Variants in JAZF1 observed in about 807,000 individuals in gnomAD.
The protein encoded by JAZF1 is JAZF zinc finger 1.
In JAZF1, 8 loss-of-function variants were observed where a neutral mutation model predicts 26.4. The observed-to-expected ratio is 0.30, with a 90% CI of 0.18 to 0.55. The LOEUF is 0.55. Among genes scored for constraint, JAZF1 ranks in the 20% least tolerant of loss-of-function variants. The pLI is 0.94. For missense variants in JAZF1, 199 were observed against 322.0 expected (o/e 0.62, Z 2.92); for synonymous variants, 126 against 122.3 (o/e 1.03, Z -0.20).
chr7:27,852,549 C>T (rs1412096955), intron 3 of JAZF1, among the ~76,000 whole-genome samples: 1 of 152,146 alleles, frequency 6.6e-6, no homozygotes, highest in Admixed American at 6.5e-5. Flanking sequence ...TCTTGCAACC[C>T]TCTCTCAGGT....
chr7:28,050,354 C>T (rs942425415), intron 1 of JAZF1, among the ~76,000 whole-genome samples: 1 of 152,146 alleles, frequency 6.6e-6, no homozygotes, highest in Non-Finnish European at 1.5e-5. Context: ...TGGGAAGCGA[C>T]TGCTGATGGG....
At chr7:27,961,563 TA>T (rs1347252869) in intron 2 of JAZF1, among the ~76,000 whole-genome samples, 1 of 152,182 alleles carries the variant, frequency 6.6e-6, no homozygotes, top group Non-Finnish European at 1.5e-5. Flanking sequence ...TTAAAGAGTT[TA>T]TTTTTCAGGA....
At chr7:27,912,365 C>G (rs529946863) in intron 2 of JAZF1, among the ~76,000 whole-genome samples, 3 of 152,326 alleles carry the variant, frequency 2.0e-5, no homozygotes, top group African/African-American at 7.2e-5. Context: ...AGTGAAAAGT[C>G]TGCTCACAAT....
intron 1 of JAZF1, among the ~76,000 whole-genome samples, chr7:28,093,251 G>A (rs1030576916): frequency 5.3e-5 from 8 of 152,134 alleles, no homozygotes; most frequent in Non-Finnish European, 8.8e-5. Context: ...AATCCTGGGG[G>A]CGGTTTCCCC....
chr7:28,011,374 A>C (rs1005607104), intron 1 of JAZF1, among the ~76,000 whole-genome samples: 2 of 151,876 alleles, frequency 1.3e-5, no homozygotes, highest in African/African-American at 4.8e-5. Context: ...ACTGTTATTT[A>C]ATCATTATAC....
At position 28,132,212 on chromosome 7, in the gene JAZF1, C is replaced by T. The variant is rs17156452; in HGVS notation, c.115+48251G>A. ...ACTAATTAGGGTAAGCAGTACATGG[C>T]GGTCTTGGCCCAAAAGACAGTTAGC... On this transcript the variant is annotated intron_variant, in intron 1 of 4. Transcript: ENST00000283928. 0.013 allele frequency among the ~76,000 whole-genome samples: 1,974 copies of T among 152,250 alleles called. 135 individuals carry two copies. In the East Asian group the frequency reaches 0.22, roughly 17 times the overall value.
chr7:27,891,795 T>C (rs575201529), intron 3 of JAZF1, among the ~76,000 whole-genome samples: 1 of 152,280 alleles, frequency 6.6e-6, no homozygotes, highest in South Asian at 2.1e-4. Flanking sequence ...ATAGCATCAC[T>C]GCACTCCAGC....
At chr7:27,875,103 A>G (rs73299410) in intron 3 of JAZF1, among the ~76,000 whole-genome samples, 2,429 of 152,262 alleles carry the variant, frequency 0.016, 52 homozygotes, top group African/African-American at 0.056. Flanking sequence ...TGATTCTAAA[A>G]GATAGTCCTT....
At chr7:27,987,628 C>A (rs1785758539) in intron 2 of JAZF1, among the ~76,000 whole-genome samples, 1 of 151,714 alleles carries the variant, frequency 6.6e-6, no homozygotes, top group South Asian at 2.1e-4. Context: ...GGTGCCTCTG[C>A]CCGGCTGCCC....
chr7:27,887,241 T>C (rs184217139), intron 3 of JAZF1, among the ~76,000 whole-genome samples: 3 of 135,474 alleles, frequency 2.2e-5, no homozygotes, highest in East Asian at 1.9e-4. Flanking sequence ...AGTTTACCTA[T>C]ATAAGAAACC....
intron 1 of JAZF1, among the ~76,000 whole-genome samples, chr7:28,014,023 G>C (rs1335581432): frequency 6.7e-6 from 1 of 148,314 alleles, no homozygotes; most frequent in Non-Finnish European, 1.5e-5. Context: ...ACCCATGGCT[G>C]CTAGTTAAAT....
chr7:28,162,263 A>G (rs1230094509), intron 1 of JAZF1, among the ~76,000 whole-genome samples: 2 of 152,224 alleles, frequency 1.3e-5, no homozygotes, highest in African/African-American at 4.8e-5. Flanking sequence ...TAGCCATGCA[A>G]TTAAGTTCTC....
intron 1 of JAZF1, among the ~76,000 whole-genome samples, chr7:28,012,495 C>T (rs1782814779): frequency 6.6e-6 from 1 of 152,142 alleles, no homozygotes; most frequent in Non-Finnish European, 1.5e-5. Flanking sequence ...GACTGAAATT[C>T]TTGGGATACA....
intron 1 of JAZF1, among the ~76,000 whole-genome samples, chr7:27,995,676 T>C (rs1299619029): frequency 3.9e-5 from 6 of 152,190 alleles, no homozygotes; most frequent in South Asian, 2.1e-4. Flanking sequence ...TAGATGGCAA[T>C]GTGTCTATCT....
Position 28,174,829 on chromosome 7 carries a change from T to TGG in JAZF1, c.115+5633_115+5634insCC, listed in dbSNP as rs1454561764. ...TGCCTATGGGGTGTGTGGGTGTGTG[T>TGG]GTGTGTGTGTGTGTGTGTGTATGCA... On this transcript the variant is annotated intron_variant, in intron 1 of 4. Coordinates refer to ENST00000283928, the MANE Select transcript of JAZF1 (RefSeq NM_175061.4). 4.3e-4 allele frequency among the ~76,000 whole-genome samples: 51 copies of TGG among 117,394 alleles called. 6 individuals carry two copies. The highest frequency in any genetic ancestry group is 1.4e-3 in the African/African-American group (51 of 37,678). The allele number at this position is 117,394 out of a possible 152,430, so 77.0% of individuals were successfully genotyped here.
chr7:28,040,366 A>G (rs559823107), intron 1 of JAZF1, among the ~76,000 whole-genome samples: 2 of 152,358 alleles, frequency 1.3e-5, no homozygotes, highest in Non-Finnish European at 2.9e-5. Context: ...TGGGAAAATA[A>G]CAAACAACAA....
At chr7:28,077,507 G>A (rs1219864421) in intron 1 of JAZF1, among the ~76,000 whole-genome samples, 1 of 151,536 alleles carries the variant, frequency 6.6e-6, no homozygotes, top group Non-Finnish European at 1.5e-5. Context: ...GGCTACTGGA[G>A]CCTTTTTTTT....
chr7:27,982,698 C>T (rs113140751), intron 2 of JAZF1, among the ~76,000 whole-genome samples: 12,461 of 152,192 alleles, frequency 0.082, 595 homozygotes, highest in African/African-American at 0.13. Flanking sequence ...GGAGACACCT[C>T]CCAGTAGGGG....
At chr7:27,986,920 G>A (rs1033294162) in intron 2 of JAZF1, among the ~76,000 whole-genome samples, 2 of 152,180 alleles carry the variant, frequency 1.3e-5, no homozygotes, top group Non-Finnish European at 2.9e-5. Context: ...GCCTCCCGAG[G>A]TGCCAGGATT....
Sources: allele counts gnomAD v4.1 joint callset (sites outside exome capture counted in the v4.1 genomes callset), GRCh38; gene constraint gnomAD v4.1.1; transcripts MANE v1.5; gene names NCBI Gene and HGNC (gene_info 2026-07-23, HGNC 2026-07-21).